The following ITGB4 variants were observed in gnomAD, a reference collection of about 807,000 sequenced individuals.
ITGB4 encodes integrin subunit beta 4, also known as integrin beta-4.
A neutral mutation model predicts 207.6 loss-of-function variants in ITGB4; 159 were observed. The observed-to-expected ratio is 0.77, with a 90% CI of 0.67 to 0.87. The LOEUF is 0.87. ITGB4 is among the 40% of genes least tolerant of loss of function. The pLI is 0.00. For missense variants in ITGB4, 2,278 were observed against 2,546.8 expected, an observed-to-expected ratio of 0.89 and a Z score of 2.27; for synonymous variants, 1,020 against 1,062.7, an observed-to-expected ratio of 0.96 and a Z score of 0.78.
At position 75,752,309 on chromosome 17, in the gene ITGB4, G is replaced by T. The variant is rs750917868; in HGVS notation, c.3929G>T (p.Arg1310Leu). 6.2e-7 allele frequency: 1 copy of T among 1,613,078 alleles called. No homozygotes were observed. The highest frequency in any genetic ancestry group is 8.5e-7 in the Non-Finnish European group (1 of 1,179,958). The stretch of plus-strand genomic sequence containing the variant: ...AACGGGGCCGGCTGGGGGCCTGAGC[G>T]GGAGGCCATCATCAACCTGGCCACC... The part of the protein sequence containing the change: ...ARNGAGWGPE[R>L]EAIINLATQP... The change falls in exon 31 of 40, where the codon CGG becomes CTG. Residue 1310 changes from arginine to leucine, a missense_variant. Arg to Leu is a moderately radical substitution (Grantham distance 102). Coordinates refer to ENST00000200181, the MANE Select transcript of ITGB4 (RefSeq NM_000213.5).
chr17:75,754,203 A>G (rs1249457791), intron 33 of ITGB4, among the ~76,000 whole-genome samples: 1 of 152,128 alleles, frequency 6.6e-6, no homozygotes, highest in East Asian at 1.9e-4. Flanking sequence ...CAAATTCAGA[A>G]GTCTGCCCGG....
At position 75,739,281 on chromosome 17, in the gene ITGB4, C is replaced by A. The variant is rs578169358; in HGVS notation, c.2221-391C>A. ...CTGCATTCCAGCCTGGGCAACAGAG[C>A]GAGACCCTGTCTCAAAAAAAAAAAA... On this transcript the variant is annotated intron_variant, in intron 18 of 39. Transcript: ENST00000200181. This position sits in a 1 kb window ranked among gnomAD's most constrained non-coding sequence, Gnocchi z 5.4. Among the ~76,000 whole-genome samples the A allele has an allele frequency of 6.7e-6, 1 of 149,044 alleles. No homozygotes were observed. The highest frequency in any genetic ancestry group is 6.7e-5 in the Admixed American group (1 of 14,908).
intron 27 of ITGB4, among the ~76,000 whole-genome samples, chr17:75,749,524 C>A (rs1285105014): frequency 6.6e-6 from 1 of 152,186 alleles, no homozygotes; most frequent in Non-Finnish European, 1.5e-5. Flanking sequence ...GAGATCCTGT[C>A]CCCCAAGAAA....
chr17:75,748,708 C>A, intron 26 of ITGB4, 133 bp from the exon 27 acceptor site: 2 of 658,956 alleles, frequency 3.0e-6, no homozygotes, highest in Non-Finnish European at 5.2e-6. Flanking sequence ...AAAACCTGAA[C>A]CTCGTGTAAG....
rs191547843 is a variant in ITGB4 at position 75,742,026 on chromosome 17, G to T, written c.2634-315G>T. The stretch of plus-strand genomic sequence containing the variant: ...CCAGCTATCGAGAACTAGAACCAGG[G>T]CTAGGGCCGCGGCAGCCTGGCCTGA... On this transcript the variant is annotated intron_variant, in intron 23 of 39. Coordinates refer to ENST00000200181, the MANE Select transcript of ITGB4 (RefSeq NM_000213.5). This position sits in a 1 kb window ranked among gnomAD's most constrained non-coding sequence, Gnocchi z 5.9. 3.8e-3 allele frequency among the ~76,000 whole-genome samples: 583 copies of T among 152,352 alleles called. 1 individual carries two copies. Among genetic ancestry groups the T allele is most frequent in the Non-Finnish European group, 5.5e-3 (371 of 68,034 alleles).
chr17:75,752,059 T>C, intron 30 of ITGB4, 115 bp from the exon 31 acceptor site: 1 of 1,173,680 alleles, frequency 8.5e-7, no homozygotes, highest in South Asian at 1.2e-5. Flanking sequence ...TTTGCCTTGC[T>C]TCCCCAGCCC....
rs1364009828 is a variant in ITGB4 at position 75,731,490 on chromosome 17, C to T, written c.1215+122C>T. The stretch of plus-strand genomic sequence containing the variant: ...GTCAGGCAGGCCTGGGTGCAGATCC[C>T]TGGGCCTAGCCGCTCGGATGAGCCT... On this transcript the variant is annotated intron_variant, in intron 10 of 39. Coordinates refer to ENST00000200181, the MANE Select transcript of ITGB4 (RefSeq NM_000213.5). This position sits in a 1 kb window ranked among gnomAD's most constrained non-coding sequence, Gnocchi z 6.8. 5 of 1,046,448 alleles carry T rather than the reference C, an allele frequency of 4.8e-6. No homozygotes were observed. The highest frequency in any genetic ancestry group is 7.0e-6 in the Non-Finnish European group (5 of 716,902). The allele number at this position is 1,046,448 out of a possible 1,614,324, so 64.8% of individuals were successfully genotyped here. A position where few individuals can be genotyped will look rare whatever the true frequency, so the allele number is the denominator to read the frequency against.
At position 75,743,848 on chromosome 17, in the gene ITGB4, C is replaced by T. The variant is rs766918727; in HGVS notation, c.3098C>T (p.Ala1033Val). The T allele has an allele frequency of 1.9e-5, 31 of 1,593,652 alleles. No individual in the cohort carries two copies. Among genetic ancestry groups the T allele is most frequent in the Admixed American group, 5.3e-5 (3 of 56,208 alleles). The change falls in exon 26 of 40, where the codon GCG becomes GTG. Residue 1033 changes from alanine to valine, a missense_variant. By Grantham distance (64) the Ala-to-Val change is moderately conservative (BLOSUM62 0). Coordinates refer to ENST00000200181, the MANE Select transcript of ITGB4 (RefSeq NM_000213.5). ...TCCTACCGCACACAGGATGGCACCG[C>T]GCAGGGCAACCGGGTGAGGCTGCGC... ...QVSYRTQDGT[A>V]QGNRDYIPVE...
chr17:75,757,280 C>T lies in ITGB4; in HGVS notation c.5299C>T (p.His1767Tyr), dbSNP rs746917195. ...QSEYSSITTT[H>Y]TSATEPFLVD... Reference sequence around the variant, plus strand: ...CGAGTACAGCAGCATCACCACCACCCACACCAGCGCCACCGAGCCCTTCCT... The same window carrying T: ...CGAGTACAGCAGCATCACCACCACCTACACCAGCGCCACCGAGCCCTTCCT... Residue 1767 changes from histidine to tyrosine, a missense_variant, in exon 39 of 40, where the codon CAC (histidine) becomes TAC (tyrosine). Coordinates refer to ENST00000200181, the MANE Select transcript of ITGB4 (RefSeq NM_000213.5). The T allele has an allele frequency of 6.2e-7, 1 of 1,611,126 alleles. No individual in the cohort carries two copies.
rs1568380586 is a variant in ITGB4, at chr17:75,752,532, CG to C, written c.4064del (p.Arg1355ProfsTer89). On this transcript the variant is annotated frameshift_variant, in exon 32 of 40. Transcript: ENST00000200181. LOFTEE classifies it high-confidence loss of function. ...CCTTATGTACAGCGATGACGTTCTA[CG>C]CTCTCCATCGGGCAGCCAGAGGCCC... is the stretch of plus-strand genomic sequence containing the variant. ...SFLMYSDDVL[R>X]SPSGSQRPSV... 6.2e-7 allele frequency: 1 copy of C among 1,613,644 alleles called. No individual in the cohort carries two copies. Among genetic ancestry groups the C allele is most frequent in the Admixed American group, 1.7e-5 (1 of 60,028 alleles).
chr17:75,741,128 C>A, intron 23 of ITGB4, 123 bp downstream of exon 23: 2 of 1,114,390 alleles, frequency 1.8e-6, no homozygotes, highest in Non-Finnish European at 1.3e-6. Flanking sequence ...CAGATGTGTC[C>A]GTCAGGTTCG....
In ITGB4 at chr17:75,750,540, G is replaced by A. The variant is rs1402245273; in HGVS notation, c.3475-140G>A. The A allele has an allele frequency of 2.3e-6, 2 of 867,074 alleles. No individual in the cohort carries two copies. The highest frequency in any genetic ancestry group is 1.8e-6 in the Non-Finnish European group (1 of 540,922). The allele number at this position is 867,074 out of a possible 1,614,324, so 53.7% of individuals were successfully genotyped here. On this transcript the variant is annotated intron_variant, in intron 28 of 39. Transcript: ENST00000200181. This position sits in a 1 kb window ranked among gnomAD's most constrained non-coding sequence, Gnocchi z 5.5. ...ACCTGCTCTGCCCTAGTCCTGACGT[G>A]TGCACATGGCAGATCTCTCAGCCCC...
chr17:75,739,676 G>C lies in ITGB4; in HGVS notation c.2225G>C (p.Cys742Ser), dbSNP rs2143057574. ...CTCACCCACCTTGTCTCCTAGGCCT[G>C]CCTGGCACTTCTCCCGTGCTGCAAC... ...CWKYCACCKA[C>S]LALLPCCNRG... Residue 742 changes from cysteine (C) to serine (S), a missense_variant, in exon 19 of 40, where the codon TGC becomes TCC. Cys to Ser is a moderately radical substitution (Grantham distance 112, BLOSUM62 -1). Transcript: ENST00000200181. This position sits in a 1 kb window ranked among gnomAD's most constrained non-coding sequence, Gnocchi z 5.4. 6.2e-7 allele frequency: 1 copy of C among 1,614,134 alleles called. No homozygotes were observed. Among genetic ancestry groups the C allele is most frequent in the East Asian group, 2.2e-5 (1 of 44,888 alleles).
chr17:75,750,561 G>GC lies in ITGB4; in HGVS notation c.3475-115dup. 7 of 947,216 alleles carry GC rather than the reference G, an allele frequency of 7.4e-6. No homozygotes were observed. Among genetic ancestry groups the GC allele is most frequent in the South Asian group, 1.4e-5 (1 of 71,458 alleles). 58.7% of individuals were successfully genotyped at this position (947,216 alleles called of 1,614,324 possible). On this transcript the variant is annotated intron_variant, in intron 28 of 39. Transcript: ENST00000200181. This position sits in a 1 kb window ranked among gnomAD's most constrained non-coding sequence, Gnocchi z 5.5. ...ACGTGTGCACATGGCAGATCTCTCA[G>GC]CCCCTCCCTCGGGCCTCATCTGTGC... is the stretch of plus-strand genomic sequence containing the variant.
Position 75,750,661 on chromosome 17 carries a change from C to T in ITGB4, c.3475-19C>T, listed in dbSNP as rs2061346572. 6.2e-7 allele frequency: 1 copy of T among 1,611,116 alleles called. No homozygotes were observed. Among genetic ancestry groups the T allele is most frequent in the Non-Finnish European group, 8.5e-7 (1 of 1,178,592 alleles). ...GCCTGCTGCTCCCTGCTGACCAGGA[C>T]CCCTGTCCCTGGGGGTAGGTAAAGT... On this transcript the variant is annotated intron_variant, in intron 28 of 39. Transcript: ENST00000200181. This position sits in a 1 kb window ranked among gnomAD's most constrained non-coding sequence, Gnocchi z 5.5.
intron 6 of ITGB4, 152 bp downstream of exon 6, chr17:75,728,625 GA>G: frequency 1.5e-6 from 1 of 685,514 alleles, no homozygotes; most frequent in Non-Finnish European, 2.6e-6. Context: ...AGGGCGGGCA[GA>G]TCACCTGAGG....
rs575970923 is a variant in ITGB4 at position 75,735,119 on chromosome 17, G to T, written c.1658-932G>T. Among the ~76,000 whole-genome samples, 37 of 152,244 alleles carry T rather than the reference G, an allele frequency of 2.4e-4. No homozygotes were observed. The South Asian group carries it at 7.5e-3, about 31-fold the overall frequency. On this transcript the variant is annotated intron_variant, in intron 13 of 39. Transcript: ENST00000200181. ...TGATTGATTTTTGAGACGGAGTCTTGCTCTGTCACCCAGGCTAGAGTGCAG... is the reference window on the plus strand; with the variant it reads ...TGATTGATTTTTGAGACGGAGTCTTTCTCTGTCACCCAGGCTAGAGTGCAG...
rs1340952132 is a variant in ITGB4 at position 75,750,159 on chromosome 17, C to A, written c.3365C>A (p.Pro1122His). 2.5e-6 allele frequency: 4 copies of A among 1,613,834 alleles called. No individual in the cohort carries two copies. Among genetic ancestry groups the A allele is most frequent in the Admixed American group, 1.7e-5 (1 of 60,026 alleles). Residue 1122 changes from proline (P) to histidine (H), a missense_variant, in exon 28 of 40, where the codon CCC becomes CAC. Pro to His is a moderately conservative substitution (Grantham distance 77, BLOSUM62 -2). Transcript: ENST00000200181. The surrounding 1 kb of genome is among the most constrained non-coding windows in gnomAD (Gnocchi z 5.5). ...AGTCAGATGTTGTCATCACAGCCACCCCCTCACGGCGACCTGGGCGCCCCG... is the reference window on the plus strand; with the variant it reads ...AGTCAGATGTTGTCATCACAGCCACACCCTCACGGCGACCTGGGCGCCCCG... ...FTSQMLSSQP[P>H]PHGDLGAPQN...
Position 75,742,221 on chromosome 17 carries a change from C to G in ITGB4, c.2634-120C>G. The G allele has an allele frequency of 7.7e-7, 1 of 1,291,134 alleles. No individual in the cohort carries two copies. The highest frequency in any genetic ancestry group is 1.1e-6 in the Non-Finnish European group (1 of 908,770). The allele number at this position is 1,291,134 out of a possible 1,614,324, so 80.0% of individuals were successfully genotyped here. A position where few individuals can be genotyped will look rare whatever the true frequency, so the allele number is the denominator to read the frequency against. On this transcript the variant is annotated intron_variant, in intron 23 of 39. Transcript: ENST00000200181. The surrounding 1 kb of genome is among the most constrained non-coding windows in gnomAD (Gnocchi z 5.9). Reference sequence around the variant, plus strand: ...CTGGAGCACTGCCTGCCTCTGAAGACCCTGCACTTCTTGCTGTCTTACATC... The same window carrying G: ...CTGGAGCACTGCCTGCCTCTGAAGAGCCTGCACTTCTTGCTGTCTTACATC...
Sources: allele counts gnomAD v4.1 joint callset (sites outside exome capture counted in the v4.1 genomes callset), GRCh38; gene constraint gnomAD v4.1.1; non-coding constraint Gnocchi (gnomAD v3.1); transcripts MANE v1.5; gene names NCBI Gene and HGNC (gene_info 2026-07-23, HGNC 2026-07-21).